Variants in CNKSR2 observed in about 807,000 individuals in gnomAD.
CNKSR2 encodes the protein CNK homolog protein 2.
A neutral mutation model predicts 84.4 loss-of-function variants in CNKSR2; 14 were observed. The observed-to-expected ratio is 0.17, with a 90% CI of 0.11 to 0.26. The LOEUF is 0.26. Among genes scored for constraint, CNKSR2 ranks in the 10% least tolerant of loss-of-function variants. The pLI, the probability that CNKSR2 is intolerant of heterozygous loss-of-function variation, is 1.00. For missense variants in CNKSR2, 485 were observed against 771.2 expected (o/e 0.63, Z 4.40); for synonymous variants, 275 against 277.9 (o/e 0.99, Z 0.10).
chrX:21,557,978 T>C (rs1425337317), intron 11 of CNKSR2, among the ~76,000 whole-genome samples: 1 of 111,698 alleles, frequency 9.0e-6, no homozygotes, highest in African/African-American at 3.2e-5. Flanking sequence ...CATGTATTAA[T>C]AATAGCATAT....
chrX:21,402,566 G>A (rs1282863640), intron 1 of CNKSR2, among the ~76,000 whole-genome samples: 1 of 110,728 alleles, frequency 9.0e-6, no homozygotes, highest in African/African-American at 3.3e-5. Context: ...GAAACTAGTT[G>A]ACATTTAATT....
chrX:21,477,006 C>T, intron 5 of CNKSR2, among the ~76,000 whole-genome samples: 1 of 111,772 alleles, frequency 8.9e-6, no homozygotes, highest in East Asian at 2.8e-4. Flanking sequence ...CCTTTCAGTA[C>T]ACCCATTGAG....
At chrX:21,479,702 G>T in intron 5 of CNKSR2, among the ~76,000 whole-genome samples, 1 of 111,202 alleles carries the variant, frequency 9.0e-6, no homozygotes, top group East Asian at 2.8e-4. Flanking sequence ...AGGCTGAGAA[G>T]GTGTGGCTGC....
intron 4 of CNKSR2, among the ~76,000 whole-genome samples, chrX:21,446,054 C>A (rs775962884): frequency 5.4e-5 from 6 of 111,408 alleles, no homozygotes; most frequent in Admixed American, 9.6e-5. Context: ...TACATTCATA[C>A]CAACAGTATT....
intron 8 of CNKSR2, among the ~76,000 whole-genome samples, chrX:21,510,618 A>G (rs2091661882): frequency 9.0e-6 from 1 of 110,824 alleles, no homozygotes; most frequent in Non-Finnish European, 1.9e-5. Context: ...CAGGCAACCA[A>G]TTTTCCAGGA....
At chrX:21,521,282 C>A (rs1439614494) in intron 9 of CNKSR2, among the ~76,000 whole-genome samples, 1 of 110,561 alleles carries the variant, frequency 9.0e-6, no homozygotes, top group Non-Finnish European at 1.9e-5. Flanking sequence ...TGTAATTGGG[C>A]TGACTGGGAG....
intron 13 of CNKSR2, 97 bp from the exon 14 acceptor site, chrX:21,590,475 G>T: frequency 1.3e-6 from 1 of 773,110 alleles, no homozygotes. Context: ...ACAGTGTTTA[G>T]AGTCATCATT....
chrX:21,498,972 C>T (rs1354778764), intron 7 of CNKSR2, among the ~76,000 whole-genome samples: 2 of 111,360 alleles, frequency 1.8e-5, no homozygotes, highest in African/African-American at 3.3e-5. Context: ...CATCTAATTC[C>T]CCTATGTAAT....
chrX:21,387,584 T>C (rs965674127), intron 1 of CNKSR2, among the ~76,000 whole-genome samples: 1 of 112,218 alleles, frequency 8.9e-6, no homozygotes, highest in Non-Finnish European at 1.9e-5. Flanking sequence ...AATATCTGTA[T>C]GTACAAATTT....
chrX:21,477,789 C>G (rs2091275419), intron 5 of CNKSR2, among the ~76,000 whole-genome samples: 1 of 111,361 alleles, frequency 9.0e-6, no homozygotes, highest in Non-Finnish European at 1.9e-5. Context: ...AGCAGCATAC[C>G]CCAAAGTGAA....
At chrX:21,642,533 T>G in intron 20 of CNKSR2, 1 of 747,384 alleles carries the variant, frequency 1.3e-6, no homozygotes, top group Non-Finnish European at 1.6e-6. Context: ...GGATGTGAAA[T>G]TTCCTTTAGT....
chrX:21,458,719 G>A (rs1267452118), intron 4 of CNKSR2, among the ~76,000 whole-genome samples: 4 of 110,560 alleles, frequency 3.6e-5, no homozygotes, highest in Admixed American at 9.7e-5. Context: ...ATTAAGCCTA[G>A]TACCCATTAG....
chrX:21,388,812 A>G (rs1053069409), intron 1 of CNKSR2, among the ~76,000 whole-genome samples: 1 of 110,996 alleles, frequency 9.0e-6, no homozygotes, highest in Admixed American at 9.6e-5. Flanking sequence ...TGTAGGTTGC[A>G]TTTAGTGACT....
rs181518832 is a variant in CNKSR2 at position 21,585,621 on chromosome X, G to A, written c.1609-4951G>A. 9.9e-5 allele frequency among the ~76,000 whole-genome samples: 11 copies of A among 110,704 alleles called. No homozygotes were observed. In the East Asian group the frequency reaches 2.8e-3, roughly 29 times the overall value. ...GAAGAGTAGGAAAGAAGCAGATTTGGCTGATGAGTGATAGATATCATGAGC... is the reference window on the plus strand; with the variant it reads ...GAAGAGTAGGAAAGAAGCAGATTTGACTGATGAGTGATAGATATCATGAGC... On this transcript the variant is annotated intron_variant, in intron 13 of 21. Coordinates refer to ENST00000379510, the MANE Select transcript of CNKSR2 (RefSeq NM_014927.5).
intron 20 of CNKSR2, among the ~76,000 whole-genome samples, chrX:21,623,542 T>C (rs10521915): frequency 0.066 from 7,336 of 111,638 alleles, 586 homozygotes; most frequent in African/African-American, 0.22. Context: ...ACCACATTGT[T>C]GATGCTCCTT....
intron 8 of CNKSR2, chrX:21,504,729 A>C (rs763916143): frequency 2.4e-5 from 7 of 293,230 alleles, no homozygotes; most frequent in Non-Finnish European, 4.2e-5. Context: ...TATTTTCTTA[A>C]TTGAAATGAA....
At chrX:21,605,351 C>G (rs1303069691) in intron 18 of CNKSR2, among the ~76,000 whole-genome samples, 1 of 112,504 alleles carries the variant, frequency 8.9e-6, no homozygotes, top group Non-Finnish European at 1.9e-5. Flanking sequence ...ATTAACTAGT[C>G]TTTGCTTATC....
chrX:21,415,833 TACACACACAC>T (rs559013925), intron 1 of CNKSR2, among the ~76,000 whole-genome samples: 1,688 of 88,169 alleles, frequency 0.019, 26 homozygotes, highest in African/African-American at 0.064. Context: ...TATACATATA[TACACACACAC>T]ACACACACAC....
chrX:21,427,113 A>C (rs2090576072), intron 2 of CNKSR2: 1 of 121,583 alleles, frequency 8.2e-6, no homozygotes, highest in Admixed American at 9.2e-5. Context: ...GACCACTTCT[A>C]AGTTTGAACC....
Sources: gnomAD v4.1 joint callset for allele counts (sites outside exome capture counted in the v4.1 genomes callset) on GRCh38, gnomAD v4.1.1 for gene constraint, MANE v1.5 for transcripts, NCBI Gene and HGNC (gene_info 2026-07-23, HGNC 2026-07-21) for gene names.